The following KCTD16 variants were observed in gnomAD, a reference collection of about 807,000 sequenced individuals.
The protein encoded by KCTD16 is BTB/POZ domain-containing protein KCTD16.
Under a neutral mutation model 33.2 loss-of-function variants are expected in KCTD16, and 13 were observed. The ratio of observed to expected loss-of-function variants is 0.39; its 90% CI spans 0.25 to 0.62. The LOEUF (loss-of-function observed/expected upper bound fraction) is 0.62, where lower values mean the gene tolerates loss of function less well. Ranked by LOEUF, KCTD16 falls within the 20% of genes least tolerant of loss-of-function variation. The pLI is 0.50. For missense variants in KCTD16, 441 were observed against 525.1 expected (o/e 0.84, Z 1.57); for synonymous variants, 197 against 195.3 (o/e 1.01, Z -0.07).
intron 3 of KCTD16, among the ~76,000 whole-genome samples, chr5:144,400,519 G>A (rs1752679376): frequency 6.6e-6 from 1 of 152,156 alleles, no homozygotes; most frequent in South Asian, 2.1e-4. Context: ...GGAAATAGGG[G>A]TGTGGAATAT....
chr5:144,340,848 G>A (rs1291194879), intron 3 of KCTD16, among the ~76,000 whole-genome samples: 1 of 151,824 alleles, frequency 6.6e-6, no homozygotes, highest in African/African-American at 2.4e-5. Context: ...TCAAGAGTTC[G>A]AGACCAGCCT....
At chr5:144,290,700 C>G (rs531904654) in intron 3 of KCTD16, among the ~76,000 whole-genome samples, 2 of 152,146 alleles carry the variant, frequency 1.3e-5, no homozygotes, top group Non-Finnish European at 1.5e-5. Flanking sequence ...AAGACATTTG[C>G]TTCCCCAAAG....
intron 3 of KCTD16, among the ~76,000 whole-genome samples, chr5:144,318,656 G>A (rs980992216): frequency 5.3e-5 from 8 of 151,948 alleles, no homozygotes; most frequent in African/African-American, 1.9e-4. Context: ...GTATCTCATC[G>A]GCCCTGCCTG....
intron 3 of KCTD16, among the ~76,000 whole-genome samples, chr5:144,393,225 A>G (rs1458731146): frequency 6.6e-6 from 1 of 152,210 alleles, no homozygotes; most frequent in East Asian, 1.9e-4. Flanking sequence ...TTGGTGAAAG[A>G]TATCAATATC....
chr5:144,386,748 A>T (rs545650078), intron 3 of KCTD16, among the ~76,000 whole-genome samples: 14 of 152,192 alleles, frequency 9.2e-5, no homozygotes, highest in Non-Finnish European at 2.9e-5. Flanking sequence ...GAGTGCTTTG[A>T]TGGTTTATTT....
chr5:144,359,972 G>A (rs1751667706), intron 3 of KCTD16, among the ~76,000 whole-genome samples: 2 of 152,092 alleles, frequency 1.3e-5, no homozygotes, highest in African/African-American at 4.8e-5. Context: ...TTCTGTCCTT[G>A]CCCTGGTCCA....
At chr5:144,195,706 C>A (rs905269094) in intron 2 of KCTD16, among the ~76,000 whole-genome samples, 2 of 152,148 alleles carry the variant, frequency 1.3e-5, no homozygotes, top group Non-Finnish European at 2.9e-5. Flanking sequence ...AATGAATCAG[C>A]CCTGTCTGGA....
At chr5:144,259,532 C>T (rs968842124) in intron 3 of KCTD16, among the ~76,000 whole-genome samples, 5 of 152,188 alleles carry the variant, frequency 3.3e-5, no homozygotes, top group African/African-American at 1.2e-4. Flanking sequence ...TCCCTTTATA[C>T]AGTCCAAACC....
chr5:144,463,587 C>T lies in KCTD16; in HGVS notation c.833-10073C>T, dbSNP rs145248608. Among the ~76,000 whole-genome samples the T allele has an allele frequency of 3.9e-5, 6 of 152,218 alleles. No individual in the cohort carries two copies. In the East Asian group the frequency reaches 9.7e-4, roughly 25 times the overall value. ...CATTCCTGTTTCTTTGATTCAAAGC[C>T]CAAGCTCTGAACCACTTACTGGGCT... On this transcript the variant is annotated intron_variant, in intron 3 of 3. Transcript: ENST00000512467.
chr5:144,426,433 G>C (rs1753331137), intron 3 of KCTD16, among the ~76,000 whole-genome samples: 1 of 151,868 alleles, frequency 6.6e-6, no homozygotes, highest in African/African-American at 2.4e-5. Flanking sequence ...TGCTTCATTT[G>C]CAAAAAATAC....
rs1754744092 is a variant in KCTD16 at position 144,483,427 on chromosome 5, C to G, written c.*9313C>G. On this transcript the variant is annotated 3_prime_UTR_variant, in exon 4 of 4. Coordinates refer to ENST00000512467, the MANE Select transcript of KCTD16 (RefSeq NM_020768.4). ...ATAATATGCATATTGTAAATAGATA[C>G]TAAAAGTCATGGGCACATTGTAATA... is the stretch of plus-strand genomic sequence containing the variant. The G allele has an allele frequency of 6.6e-6, 1 of 151,774 alleles. No homozygotes were observed. The allele number at this position is 151,774 out of a possible 1,614,324, so 9.4% of individuals were successfully genotyped here. A position where few individuals can be genotyped will look rare whatever the true frequency, so the allele number is the denominator to read the frequency against.
intron 3 of KCTD16, among the ~76,000 whole-genome samples, chr5:144,240,937 G>C (rs1754384904): frequency 6.6e-6 from 1 of 152,114 alleles, no homozygotes; most frequent in Admixed American, 6.6e-5. Context: ...GTTTAGGCTG[G>C]TGAGGAGATA....
chr5:144,212,258 T>C (rs1405682420), intron 3 of KCTD16, among the ~76,000 whole-genome samples: 1 of 152,158 alleles, frequency 6.6e-6, no homozygotes, highest in Non-Finnish European at 1.5e-5. Flanking sequence ...AATAGAACAG[T>C]GATTTAAGCA....
chr5:144,180,971 C>T (rs1307476326), intron 2 of KCTD16, among the ~76,000 whole-genome samples: 2 of 150,726 alleles, frequency 1.3e-5, no homozygotes, highest in South Asian at 2.1e-4. Flanking sequence ...CTCGCTCTGT[C>T]GCCCAGGCTG....
intron 1 of KCTD16, among the ~76,000 whole-genome samples, chr5:144,172,432 C>T (rs543935894): frequency 6.6e-6 from 1 of 152,280 alleles, no homozygotes; most frequent in East Asian, 1.9e-4. Context: ...TATAAATCTA[C>T]TCCTAGTTAT....
At chr5:144,365,404 C>A (rs891609598) in intron 3 of KCTD16, among the ~76,000 whole-genome samples, 1 of 151,956 alleles carries the variant, frequency 6.6e-6, no homozygotes, top group Non-Finnish European at 1.5e-5. Flanking sequence ...CAATAGGGAA[C>A]TTTGTGTTCT....
chr5:144,357,256 G>T (rs1751591476), intron 3 of KCTD16, among the ~76,000 whole-genome samples: 1 of 152,198 alleles, frequency 6.6e-6, no homozygotes, highest in South Asian at 2.1e-4. Context: ...GTTAAAAAGG[G>T]AGGAAATCCA....
intron 3 of KCTD16, among the ~76,000 whole-genome samples, chr5:144,290,154 G>A (rs1417757232): frequency 6.6e-6 from 1 of 151,968 alleles, no homozygotes; most frequent in Admixed American, 6.6e-5. Context: ...AATTATCCAG[G>A]CAAGGAGGCG....
intron 3 of KCTD16, among the ~76,000 whole-genome samples, chr5:144,465,932 G>C (rs1008639203): frequency 6.6e-6 from 1 of 151,866 alleles, no homozygotes; most frequent in African/African-American, 2.4e-5. Flanking sequence ...TCCGCCTCCC[G>C]GGTTCAAGTG....
Sources: allele counts gnomAD v4.1 joint callset (sites outside exome capture counted in the v4.1 genomes callset), GRCh38; gene constraint gnomAD v4.1.1; transcripts MANE v1.5; gene names NCBI Gene and HGNC (gene_info 2026-07-23, HGNC 2026-07-21).